The following RPN2 variants were observed in gnomAD, a reference collection of about 807,000 sequenced individuals.
RPN2 encodes ribophorin II, also known as dolichyl-diphosphooligosaccharide--protein glycosyltransferase subunit 2.
A neutral mutation model predicts 71.4 loss-of-function variants in RPN2; 29 were observed. The ratio of observed to expected loss-of-function variants is 0.41; its 90% CI spans 0.30 to 0.55. RPN2 has a LOEUF of 0.55. Among genes scored for constraint, RPN2 ranks in the 20% least tolerant of loss-of-function variants. The probability of loss-of-function intolerance (pLI) is 0.35; values close to 1 mark genes in which losing one functional copy is unlikely to be tolerated. For missense variants in RPN2, 726 were observed against 774.1 expected, an observed-to-expected ratio of 0.94 and a Z score of 0.74; for synonymous variants, 308 against 305.0, an observed-to-expected ratio of 1.01 and a Z score of -0.10.
chr20:37,184,431 C>T, intron 2 of RPN2, 58 bp downstream of exon 2: 1 of 1,374,444 alleles, frequency 7.3e-7, no homozygotes, highest in Non-Finnish European at 1.0e-6. Flanking sequence ...CATCCCCTCA[C>T]TATATTCCTT....
chr20:37,201,189 C>T (rs1463826754), intron 4 of RPN2, among the ~76,000 whole-genome samples: 1 of 150,964 alleles, frequency 6.6e-6, no homozygotes, highest in Non-Finnish European at 1.5e-5. Flanking sequence ...TTTTCTGGAC[C>T]ATTTGTTTGT....
chr20:37,182,071 C>CT (rs1307666185), intron 1 of RPN2, among the ~76,000 whole-genome samples: 1 of 151,696 alleles, frequency 6.6e-6, no homozygotes, highest in Non-Finnish European at 1.5e-5. Flanking sequence ...TAGATTTTTT[C>CT]TTTTTTTAAT....
At chr20:37,235,114 A>G (rs1469067431) in intron 15 of RPN2, among the ~76,000 whole-genome samples, 1 of 150,688 alleles carries the variant, frequency 6.6e-6, no homozygotes, top group Non-Finnish European at 1.5e-5. Flanking sequence ...TTCTGGGGAA[A>G]GAGAGAGTTG....
rs527877834 is a variant in RPN2 at position 37,218,042 on chromosome 20, G to A, written c.1092+4177G>A. Among the ~76,000 whole-genome samples, 8 of 152,234 alleles carry A rather than the reference G, an allele frequency of 5.3e-5. No individual in the cohort carries two copies. The South Asian group carries it at 1.2e-3, about 24-fold the overall frequency. On this transcript the variant is annotated intron_variant, in intron 9 of 16. Transcript: ENST00000237530. ...TGTGAACCACTAGGCCCGGCCAAGAGTTAGCTTTTATTTATTGATTTAATA... is the reference window on the plus strand; with the variant it reads ...TGTGAACCACTAGGCCCGGCCAAGAATTAGCTTTTATTTATTGATTTAATA...
chr20:37,222,089 G>A (rs758215727), intron 9 of RPN2, among the ~76,000 whole-genome samples: 4 of 152,220 alleles, frequency 2.6e-5, no homozygotes, highest in Non-Finnish European at 5.9e-5. Context: ...AATGATGTCA[G>A]TACTTGTCGG....
At chr20:37,235,115 G>GA (rs2068351342) in intron 15 of RPN2, among the ~76,000 whole-genome samples, 1 of 150,720 alleles carries the variant, frequency 6.6e-6, no homozygotes, top group Non-Finnish European at 1.5e-5. Context: ...TCTGGGGAAA[G>GA]AGAGAGTTGT....
chr20:37,211,200 A>G (rs942390655), intron 8 of RPN2, among the ~76,000 whole-genome samples: 1 of 151,368 alleles, frequency 6.6e-6, no homozygotes, highest in Non-Finnish European at 1.5e-5. Context: ...ACGCCTGGCT[A>G]ATTTTTGTAT....
chr20:37,207,560 C>T, intron 7 of RPN2, 111 bp downstream of exon 7: 1 of 1,020,424 alleles, frequency 9.8e-7, no homozygotes. Flanking sequence ...AGGACATACC[C>T]ATTAAATGGA....
At chr20:37,203,820 C>T (rs762818630) in intron 4 of RPN2, 65 bp from the exon 5 acceptor site, 26 of 1,115,296 alleles carry the variant, frequency 2.3e-5, no homozygotes, top group Middle Eastern at 1.9e-4. Context: ...TGTCCAAGTA[C>T]GGGAAGGGGT....
At chr20:37,221,327 C>G (rs1057112957) in intron 9 of RPN2, among the ~76,000 whole-genome samples, 2 of 151,828 alleles carry the variant, frequency 1.3e-5, no homozygotes, top group Middle Eastern at 6.8e-3. Flanking sequence ...TCCTGAGTAG[C>G]TGGGACTACA....
In RPN2 at chr20:37,241,600, A is replaced by T; in HGVS notation, c.*285A>T. On this transcript the variant is annotated 3_prime_UTR_variant, in exon 17 of 17. Transcript: ENST00000237530. ...TTGAAATGTGTAATTGTTTTGGAAT[A>T]AAGAGGGTAACAATAGGAACAAAGG... is the stretch of plus-strand genomic sequence containing the variant. 2.1e-6 allele frequency: 1 copy of T among 468,366 alleles called. No homozygotes were observed. The highest frequency in any genetic ancestry group is 3.9e-6 in the Non-Finnish European group (1 of 257,218). The allele number at this position is 468,366 out of a possible 1,614,324, so 29.0% of individuals were successfully genotyped here. A position where few individuals can be genotyped will look rare whatever the true frequency, so the allele number is the denominator to read the frequency against.
chr20:37,238,702 A>G (rs750767069), intron 16 of RPN2: 21 of 724,400 alleles, frequency 2.9e-5, no homozygotes, highest in Non-Finnish European at 5.1e-5. Context: ...CTTTGACTGT[A>G]TAAGACTTCA....
chr20:37,197,070 G>A (rs2067271453), intron 2 of RPN2, among the ~76,000 whole-genome samples: 1 of 152,182 alleles, frequency 6.6e-6, no homozygotes, highest in Admixed American at 6.5e-5. Context: ...TCCCGGCAGG[G>A]TGGGTAGCAG....
intron 4 of RPN2, among the ~76,000 whole-genome samples, chr20:37,201,642 G>C (rs892334486): frequency 1.3e-5 from 2 of 152,136 alleles, no homozygotes; most frequent in Non-Finnish European, 2.9e-5. Flanking sequence ...ACCATGAGTG[G>C]GTTGTTTAGC....
chr20:37,181,431 CTTTTTTTT>C (rs748226554), intron 1 of RPN2, among the ~76,000 whole-genome samples: 1 of 129,454 alleles, frequency 7.7e-6, no homozygotes, highest in African/African-American at 2.9e-5. Context: ...TTTTTCTTTT[CTTTTTTTT>C]TTTTTTTTTT....
At chr20:37,198,953 GT>G (rs1419362708) in intron 3 of RPN2, 96 bp from the exon 4 acceptor site, 76 of 978,728 alleles carry the variant, frequency 7.8e-5, no homozygotes, top group Non-Finnish European at 1.2e-4. Context: ...CGAGGCGGAG[GT>G]GACTTTGGCA....
intron 2 of RPN2, among the ~76,000 whole-genome samples, chr20:37,188,197 G>A (rs555565427): frequency 2.0e-5 from 3 of 151,758 alleles, no homozygotes; most frequent in Non-Finnish European, 4.4e-5. Flanking sequence ...TGAGATGAAG[G>A]CTTACTCTGT....
At chr20:37,187,187 T>G (rs1271605265) in intron 2 of RPN2, among the ~76,000 whole-genome samples, 4 of 152,194 alleles carry the variant, frequency 2.6e-5, no homozygotes, top group Non-Finnish European at 2.9e-5. Context: ...TTTTTTTATT[T>G]TGATTCTTTT....
At chr20:37,223,316 G>T (rs2068004025) in intron 9 of RPN2, among the ~76,000 whole-genome samples, 1 of 152,208 alleles carries the variant, frequency 6.6e-6, no homozygotes. Context: ...GAAGTGCATG[G>T]ATTCTGAGTC....
Sources: allele counts gnomAD v4.1 joint callset (sites outside exome capture counted in the v4.1 genomes callset), GRCh38; gene constraint gnomAD v4.1.1; transcripts MANE v1.5; gene names NCBI Gene and HGNC (gene_info 2026-07-23, HGNC 2026-07-21).